Variants in GRM8 observed in about 807,000 individuals in gnomAD.
GRM8 encodes glutamate metabotropic receptor 8, also known as metabotropic glutamate receptor 8.
Under a neutral mutation model 87.2 loss-of-function variants are expected in GRM8, and 47 were observed. The ratio of observed to expected loss-of-function variants is 0.54; its 90% CI spans 0.43 to 0.69. GRM8 has a LOEUF of 0.69. Ranked by LOEUF, GRM8 falls within the 30% of genes least tolerant of loss-of-function variation. GRM8 has a pLI of 0.00. For missense variants in GRM8, 1,019 were observed against 1,139.2 expected (o/e 0.89, Z 1.52); for synonymous variants, 396 against 404.5 (o/e 0.98, Z 0.25).
intron 2 of GRM8, among the ~76,000 whole-genome samples, chr7:127,155,609 G>T (rs1792676048): frequency 6.6e-6 from 1 of 152,118 alleles, no homozygotes; most frequent in African/African-American, 2.4e-5. Context: ...ATTGAACCAT[G>T]CAGGAAACAA....
At chr7:127,139,243 C>T (rs1038691836) in intron 2 of GRM8, among the ~76,000 whole-genome samples, 2 of 152,130 alleles carry the variant, frequency 1.3e-5, no homozygotes, top group African/African-American at 2.4e-5. Context: ...GCACTTTGTA[C>T]ATTAAGTGTG....
At chr7:127,231,926 G>T (rs1001637017) in intron 2 of GRM8, among the ~76,000 whole-genome samples, 1 of 151,166 alleles carries the variant, frequency 6.6e-6, no homozygotes, top group Non-Finnish European at 1.5e-5. Flanking sequence ...GCGCTGAAAC[G>T]ATATTAAAAT....
At chr7:126,935,424 CAA>C (rs1806212110) in intron 3 of GRM8, among the ~76,000 whole-genome samples, 1 of 152,144 alleles carries the variant, frequency 6.6e-6, no homozygotes, top group Non-Finnish European at 1.5e-5. Flanking sequence ...CTGCAAAATG[CAA>C]ACTTACTAGA....
chr7:126,797,592 G>T (rs149211228), intron 6 of GRM8, among the ~76,000 whole-genome samples: 3 of 152,094 alleles, frequency 2.0e-5, no homozygotes, highest in Admixed American at 2.0e-4. Flanking sequence ...GAAGTGAAAG[G>T]CTGCTCCAAT....
intron 7 of GRM8, among the ~76,000 whole-genome samples, chr7:126,766,645 T>C (rs889118834): frequency 6.6e-6 from 1 of 152,086 alleles, no homozygotes; most frequent in Non-Finnish European, 1.5e-5. Context: ...CTAAAAACCT[T>C]CTAATATATA....
At chr7:126,519,315 T>C (rs1489550720) in intron 9 of GRM8, among the ~76,000 whole-genome samples, 1 of 152,048 alleles carries the variant, frequency 6.6e-6, no homozygotes, top group African/African-American at 2.4e-5. Flanking sequence ...ATAGGGAAGA[T>C]TTCATGGATT....
chr7:126,723,794 T>C (rs945078344), intron 7 of GRM8, among the ~76,000 whole-genome samples: 3 of 152,158 alleles, frequency 2.0e-5, no homozygotes, highest in African/African-American at 7.2e-5. Context: ...TCTCCTAACA[T>C]CTACTTAAGT....
At chr7:126,459,651 C>T (rs1391123917) in intron 9 of GRM8, among the ~76,000 whole-genome samples, 1 of 151,414 alleles carries the variant, frequency 6.6e-6, no homozygotes, top group African/African-American at 2.4e-5. Flanking sequence ...TATCTTTTCC[C>T]AACGTGCTGA....
At chr7:127,005,900 G>A (rs1025799973) in intron 3 of GRM8, among the ~76,000 whole-genome samples, 8 of 151,576 alleles carry the variant, frequency 5.3e-5, no homozygotes, top group African/African-American at 1.5e-4. Flanking sequence ...TTAAATTTAT[G>A]ACCACAAATC....
At chr7:126,930,463 C>A (rs147842432) in intron 3 of GRM8, among the ~76,000 whole-genome samples, 1 of 152,130 alleles carries the variant, frequency 6.6e-6, no homozygotes, top group South Asian at 2.1e-4. Context: ...CTGGTCTTGC[C>A]GAGTCCTCCT....
intron 6 of GRM8, among the ~76,000 whole-genome samples, chr7:126,859,757 C>G (rs756702512): frequency 1.3e-5 from 2 of 152,134 alleles, no homozygotes; most frequent in Non-Finnish European, 2.9e-5. Flanking sequence ...CTAAACAAAT[C>G]GTCCTTCTAT....
At chr7:126,939,386 T>C (rs1225210119) in intron 3 of GRM8, among the ~76,000 whole-genome samples, 1 of 152,170 alleles carries the variant, frequency 6.6e-6, no homozygotes, top group Non-Finnish European at 1.5e-5. Context: ...TTGACTGATA[T>C]TGGACAAGTC....
At chr7:126,701,627 T>C (rs1404592973) in intron 7 of GRM8, 3 of 369,330 alleles carry the variant, frequency 8.1e-6, no homozygotes, top group Admixed American at 7.1e-5. Flanking sequence ...CTTTTGATTT[T>C]TGTTACAAGA....
chr7:126,894,372 C>T (rs938252500), intron 6 of GRM8, among the ~76,000 whole-genome samples: 1 of 151,920 alleles, frequency 6.6e-6, no homozygotes, highest in Non-Finnish European at 1.5e-5. Context: ...TGTAATATTC[C>T]AGAGATTGTG....
intron 6 of GRM8, among the ~76,000 whole-genome samples, chr7:126,863,166 G>A (rs527273782): frequency 3.9e-5 from 6 of 152,148 alleles, no homozygotes; most frequent in Admixed American, 3.9e-4. Flanking sequence ...CACTGATTTA[G>A]TTACAAATAT....
intron 6 of GRM8, among the ~76,000 whole-genome samples, chr7:126,782,003 T>A (rs1285844441): frequency 6.6e-6 from 1 of 152,204 alleles, no homozygotes; most frequent in Non-Finnish European, 1.5e-5. Flanking sequence ...CATGAGCCAC[T>A]GCACCCAGCC....
chr7:126,860,885 C>G (rs184141941), intron 6 of GRM8, among the ~76,000 whole-genome samples: 2 of 152,230 alleles, frequency 1.3e-5, no homozygotes, highest in Admixed American at 6.5e-5. Flanking sequence ...TAAAATCACT[C>G]TCTTGACCTG....
intron 9 of GRM8, among the ~76,000 whole-genome samples, chr7:126,470,938 C>A (rs935615167): frequency 3.3e-5 from 5 of 152,094 alleles, no homozygotes; most frequent in African/African-American, 4.8e-5. Context: ...TCTCTGATGG[C>A]CAGTGATGAT....
intron 3 of GRM8, among the ~76,000 whole-genome samples, chr7:126,919,127 C>T (rs1250176769): frequency 2.6e-5 from 4 of 152,064 alleles, no homozygotes; most frequent in East Asian, 1.9e-4. Flanking sequence ...CAGAAGCACT[C>T]GTTCAAGTTC....
Sources: allele counts gnomAD v4.1 joint callset (sites outside exome capture counted in the v4.1 genomes callset), GRCh38; gene constraint gnomAD v4.1.1; transcripts MANE v1.5; gene names NCBI Gene and HGNC (gene_info 2026-07-23, HGNC 2026-07-21).